Variants in NAALADL2 observed in about 807,000 individuals in gnomAD.
NAALADL2 encodes inactive N-acetylated-alpha-linked acidic dipeptidase-like protein 2.
NAALADL2 carries 76 observed loss-of-function variants against 87.2 expected under a neutral mutation model. That is an observed-to-expected ratio of 0.87 (90% CI 0.72 to 1.05). NAALADL2 has a LOEUF of 1.05. NAALADL2 is among the 50% of genes least tolerant of loss of function. The pLI is 0.00. For missense variants in NAALADL2, 1,089 were observed against 945.8 expected (o/e 1.15, Z -1.99); for synonymous variants, 354 against 331.0 (o/e 1.07, Z -0.75).
At chr3:174,745,624 A>C (rs1244109939) in intron 3 of NAALADL2, among the ~76,000 whole-genome samples, 1 of 152,160 alleles carries the variant, frequency 6.6e-6, no homozygotes, top group Non-Finnish European at 1.5e-5. Flanking sequence ...AACCTGGTAG[A>C]GATACAACGA....
intron 9 of NAALADL2, among the ~76,000 whole-genome samples, chr3:175,521,023 T>A (rs998612340): frequency 1.6e-4 from 24 of 152,032 alleles, no homozygotes; most frequent in African/African-American, 5.8e-4. Flanking sequence ...GTGTCTCCCT[T>A]CAGCCCTAGA....
chr3:175,410,917 G>A (rs1199845154), intron 5 of NAALADL2, among the ~76,000 whole-genome samples: 4 of 152,166 alleles, frequency 2.6e-5, no homozygotes, highest in Non-Finnish European at 4.4e-5. Flanking sequence ...ATAGAACTGA[G>A]GGTGAAGGTA....
intron 1 of NAALADL2, 120 bp from the exon 2 acceptor site, chr3:175,096,670 T>G (rs1383029254): frequency 4.7e-5 from 23 of 487,370 alleles, no homozygotes; most frequent in Non-Finnish European, 1.0e-5. Context: ...ATAGGGAGAA[T>G]TTATTTCCCT....
At chr3:175,332,438 C>G (rs547579737) in intron 5 of NAALADL2, among the ~76,000 whole-genome samples, 1 of 152,124 alleles carries the variant, frequency 6.6e-6, no homozygotes, top group Non-Finnish European at 1.5e-5. Context: ...GTAGCTGGGA[C>G]CAAAGGGATG....
intron 2 of NAALADL2, among the ~76,000 whole-genome samples, chr3:175,146,438 C>T (rs997539238): frequency 6.6e-6 from 1 of 152,092 alleles, no homozygotes; most frequent in Admixed American, 6.6e-5. Context: ...TTTCCCCTGT[C>T]TGCCCTCTGG....
At chr3:174,889,833 A>C (rs1156406646) in intron 1 of NAALADL2, among the ~76,000 whole-genome samples, 1 of 152,212 alleles carries the variant, frequency 6.6e-6, no homozygotes, top group Non-Finnish European at 1.5e-5. Context: ...GAATTCTGTC[A>C]AATGGGTAAA....
chr3:174,447,396 C>T (rs1041391450), intron 1 of NAALADL2, among the ~76,000 whole-genome samples: 1 of 152,120 alleles, frequency 6.6e-6, no homozygotes, highest in African/African-American at 2.4e-5. Flanking sequence ...ATAAATATGG[C>T]CATCTTCTTT....
chr3:175,255,617 A>G (rs1413635895), intron 3 of NAALADL2, among the ~76,000 whole-genome samples: 1 of 152,220 alleles, frequency 6.6e-6, no homozygotes, highest in African/African-American at 2.4e-5. Context: ...GTCTTGGCCC[A>G]TAGGAATATA....
intron 3 of NAALADL2, among the ~76,000 whole-genome samples, chr3:174,761,312 A>G (rs889297579): frequency 1.3e-5 from 2 of 152,220 alleles, no homozygotes; most frequent in African/African-American, 2.4e-5. Context: ...CACATAGATG[A>G]TAATTAAAAA....
chr3:175,188,021 G>T (rs9849745), intron 2 of NAALADL2, among the ~76,000 whole-genome samples: 1 of 152,048 alleles, frequency 6.6e-6, no homozygotes, highest in Admixed American at 6.6e-5. Context: ...GCTGTTAGCC[G>T]TTGTGGATTA....
At chr3:175,740,852 C>T (rs1745145913) in intron 12 of NAALADL2, among the ~76,000 whole-genome samples, 1 of 152,040 alleles carries the variant, frequency 6.6e-6, no homozygotes, top group Admixed American at 6.6e-5. Context: ...GCGGACTCGC[C>T]CTTAATTTTT....
chr3:175,106,126 C>T (rs921047059), intron 2 of NAALADL2, among the ~76,000 whole-genome samples: 2 of 152,000 alleles, frequency 1.3e-5, no homozygotes, highest in Non-Finnish European at 2.9e-5. Flanking sequence ...TTATTTTATC[C>T]ATTTGGTTAC....
intron 1 of NAALADL2, among the ~76,000 whole-genome samples, chr3:174,535,906 A>C (rs1037194393): frequency 6.6e-6 from 1 of 152,060 alleles, no homozygotes; most frequent in South Asian, 2.1e-4. Context: ...TTGCAGTTGC[A>C]CCAAACACTT....
intron 2 of NAALADL2, among the ~76,000 whole-genome samples, chr3:174,596,058 A>G (rs1717868934): frequency 6.6e-6 from 1 of 152,074 alleles, no homozygotes; most frequent in Non-Finnish European, 1.5e-5. Flanking sequence ...AAACACAAAC[A>G]AAACAACAAA....
intron 9 of NAALADL2, among the ~76,000 whole-genome samples, chr3:175,519,097 G>A (rs1210788486): frequency 1.3e-5 from 2 of 152,220 alleles, no homozygotes; most frequent in Non-Finnish European, 2.9e-5. Flanking sequence ...CTCTGAGCAT[G>A]TATTCCTTCC....
chr3:174,603,911 T>G (rs766803748), intron 2 of NAALADL2, among the ~76,000 whole-genome samples: 9 of 152,146 alleles, frequency 5.9e-5, no homozygotes, highest in Non-Finnish European at 1.3e-4. Context: ...TTTATTCCAT[T>G]GTGGTCAAAG....
Position 174,736,672 on chromosome 3 carries a change from G to A in NAALADL2, c.-114-969G>A, listed in dbSNP as rs550584214. Among the ~76,000 whole-genome samples, 8 of 152,162 alleles carry A rather than the reference G, an allele frequency of 5.3e-5. No individual in the cohort carries two copies. The South Asian group carries it at 6.2e-4, about 12-fold the overall frequency. ...CTGATTGGCTCATGGGCAGCCTTTCGTCGGCCTGGAAAAAGCACCATAGTT... is the reference window on the plus strand; with the variant it reads ...CTGATTGGCTCATGGGCAGCCTTTCATCGGCCTGGAAAAAGCACCATAGTT... On this transcript the variant is annotated intron_variant, in intron 2 of 3. Coordinates refer to the NAALADL2 transcript ENST00000434257.
At chr3:175,692,163 T>C (rs1346052718) in intron 11 of NAALADL2, among the ~76,000 whole-genome samples, 1 of 152,156 alleles carries the variant, frequency 6.6e-6, no homozygotes, top group South Asian at 2.1e-4. Context: ...TTCTATGATT[T>C]CTGGGACTTA....
intron 10 of NAALADL2, among the ~76,000 whole-genome samples, chr3:175,589,816 A>G (rs1053783265): frequency 2.0e-5 from 3 of 150,936 alleles, no homozygotes; most frequent in African/African-American, 4.9e-5. Flanking sequence ...ACAAAAAACC[A>G]AAAACCTCCC....
Sources: allele counts gnomAD v4.1 joint callset (sites outside exome capture counted in the v4.1 genomes callset), GRCh38; gene constraint gnomAD v4.1.1; transcripts MANE v1.5; gene names NCBI Gene and HGNC (gene_info 2026-07-23, HGNC 2026-07-21).